Variants in ADAMTS9 observed in about 807,000 individuals in gnomAD.
The protein encoded by ADAMTS9 is ADAM metallopeptidase with thrombospondin type 1 motif 9.
A neutral mutation model predicts 257.1 loss-of-function variants in ADAMTS9; 107 were observed. That is an observed-to-expected ratio of 0.42 (90% confidence interval 0.36 to 0.49). ADAMTS9 has a LOEUF of 0.49. Ranked by LOEUF, ADAMTS9 falls within the 20% of genes least tolerant of loss-of-function variation. ADAMTS9 has a pLI of 0.03. For missense variants in ADAMTS9, 2,353 were observed against 2,469.1 expected, an observed-to-expected ratio of 0.95 and a Z score of 1.00; for synonymous variants, 982 against 880.9, an observed-to-expected ratio of 1.11 and a Z score of -2.03.
At chr3:64,536,402 T>G (rs2083049942) in intron 37 of ADAMTS9, among the ~76,000 whole-genome samples, 1 of 152,232 alleles carries the variant, frequency 6.6e-6, no homozygotes, top group South Asian at 2.1e-4. Flanking sequence ...CTGTTGCCTA[T>G]TCTAAAGAAG....
rs1559753926 is a variant in ADAMTS9, at chr3:64,541,236, A to G, written c.5388-8T>C. On this transcript the variant is annotated splice_region_variant and splice_polypyrimidine_tract_variant and intron_variant, in intron 35 of 39. Coordinates refer to ENST00000498707, the MANE Select transcript of ADAMTS9 (RefSeq NM_182920.2). Reference sequence around the variant, plus strand: ...TCTGTTGGGTTGTGTAACCTAAATTATACAGAGAATGTTCTGGTAAGGATG... The same window carrying G: ...TCTGTTGGGTTGTGTAACCTAAATTGTACAGAGAATGTTCTGGTAAGGATG... 2.5e-6 allele frequency: 4 copies of G among 1,614,064 alleles called. No homozygotes were observed. Among genetic ancestry groups the G allele is most frequent in the Non-Finnish European group, 3.4e-6 (4 of 1,180,030 alleles).
At chr3:64,680,171 A>T (rs1054789664) in intron 3 of ADAMTS9, among the ~76,000 whole-genome samples, 2 of 152,170 alleles carry the variant, frequency 1.3e-5, no homozygotes, top group Non-Finnish European at 2.9e-5. Flanking sequence ...CCAGTGAACA[A>T]CCTGGTACAG....
chr3:64,628,995 T>G (rs139722057), intron 16 of ADAMTS9, among the ~76,000 whole-genome samples: 1 of 152,344 alleles, frequency 6.6e-6, no homozygotes, highest in Non-Finnish European at 1.5e-5. Flanking sequence ...GTTTTGACCT[T>G]GGAGTTTTGA....
At chr3:64,609,703 G>T (rs6780621) in intron 22 of ADAMTS9, among the ~76,000 whole-genome samples, 85,463 of 151,900 alleles carry the variant, frequency 0.56, 26,772 homozygotes, top group African/African-American at 0.86. Flanking sequence ...GTGACAATAT[G>T]CCCCAAATTA....
Position 64,568,522 on chromosome 3 carries a change from C to T in ADAMTS9, c.4370G>A (p.Cys1457Tyr). ...ATTTCGTTGTTTATGCCCTCGACCACAAGAGACAGAACACTGCAATATAAA... is the reference window on the plus strand; with the variant it reads ...ATTTCGTTGTTTATGCCCTCGACCATAAGAGACAGAACACTGCAATATAAA... ...TGPWSSCSVSCGRGHKQRNVY... is the reference protein window; with the variant it reads ...TGPWSSCSVSYGRGHKQRNVY... The change falls in exon 29 of 40, where the codon TGT becomes TAT. Residue 1457 changes from cysteine (C) to tyrosine (Y), a missense_variant. By Grantham distance (194) the Cys-to-Tyr change is radical (BLOSUM62 -2). Transcript: ENST00000498707. 1.2e-6 allele frequency: 2 copies of T among 1,614,010 alleles called. No homozygotes were observed. The highest frequency in any genetic ancestry group is 1.7e-6 in the Non-Finnish European group (2 of 1,179,954).
intron 32 of ADAMTS9, among the ~76,000 whole-genome samples, 200 bp from the exon 33 acceptor site, chr3:64,542,170 A>C (rs1053752205): frequency 6.6e-6 from 1 of 152,104 alleles, no homozygotes; most frequent in African/African-American, 2.4e-5. Context: ...ATTCATGTTC[A>C]TGCATTTATA....
chr3:64,564,656 C>T (rs941529693), intron 29 of ADAMTS9, among the ~76,000 whole-genome samples: 4 of 151,972 alleles, frequency 2.6e-5, no homozygotes, highest in African/African-American at 9.7e-5. Flanking sequence ...GAAAGTTTAG[C>T]AGCATACCTG....
Position 64,541,146 on chromosome 3 carries a change from A to T in ADAMTS9, c.5470T>A (p.Phe1824Ile). 2 of 1,614,030 alleles carry T rather than the reference A, an allele frequency of 1.2e-6. No individual in the cohort carries two copies. The highest frequency in any genetic ancestry group is 1.7e-6 in the Non-Finnish European group (2 of 1,179,992). Residue 1824 changes from phenylalanine to isoleucine, a missense_variant, in exon 36 of 40, where the codon TTT becomes ATT. Physicochemically the swap from Phe to Ile is conservative, Grantham distance 21 (BLOSUM62 0). Coordinates refer to ENST00000498707, the MANE Select transcript of ADAMTS9 (RefSeq NM_182920.2). ...ATTCTGATTTTCTGAAAACTGGAAA[A>T]CCCAGCGGCCGTGTAATCCTTCCGA... ...QCRKDYTAAGFSSFQKIRIDL... is the reference protein window; with the variant it reads ...QCRKDYTAAGISSFQKIRIDL...
intron 8 of ADAMTS9, 122 bp from the exon 9 acceptor site, chr3:64,651,285 T>G (rs1473118882): frequency 5.6e-6 from 4 of 709,922 alleles, no homozygotes; most frequent in Non-Finnish European, 8.8e-6. Context: ...GATAAGAACC[T>G]GAACCCTGGT....
At chr3:64,602,306 T>C in intron 25 of ADAMTS9, 93 bp from the exon 26 acceptor site, 1 of 1,479,352 alleles carries the variant, frequency 6.8e-7, no homozygotes, top group East Asian at 2.3e-5. Context: ...GCCCACCACT[T>C]TCCCAAATTG....
At chr3:64,525,290 C>T (rs1178149744) in intron 38 of ADAMTS9, among the ~76,000 whole-genome samples, 5 of 152,166 alleles carry the variant, frequency 3.3e-5, no homozygotes, top group Non-Finnish European at 7.3e-5. Flanking sequence ...CTTTACCATG[C>T]TATGAAAAAG....
chr3:64,622,766 A>G (rs2106866764), intron 16 of ADAMTS9, among the ~76,000 whole-genome samples, 180 bp from the exon 17 acceptor site: 1 of 152,232 alleles, frequency 6.6e-6, no homozygotes, highest in Middle Eastern at 3.4e-3. Flanking sequence ...TTTGGGAATC[A>G]TTTTCCATCC....
intron 28 of ADAMTS9, among the ~76,000 whole-genome samples, chr3:64,586,029 A>T (rs2084142550): frequency 6.6e-6 from 1 of 152,122 alleles, no homozygotes; most frequent in Non-Finnish European, 1.5e-5. Context: ...CAACTAAACA[A>T]TGAGATGAGG....
chr3:64,583,306 A>G (rs540704919), intron 28 of ADAMTS9: 1 of 152,324 alleles, frequency 6.6e-6, no homozygotes, highest in Non-Finnish European at 1.5e-5. Context: ...TTGAGATCTC[A>G]TATTTTCAGC....
chr3:64,533,095 C>T (rs2083003642), intron 38 of ADAMTS9, 71 bp downstream of exon 38: 2 of 1,396,174 alleles, frequency 1.4e-6, no homozygotes, highest in East Asian at 2.3e-5. Context: ...AGCACCACTA[C>T]CACAGTAATA....
intron 37 of ADAMTS9, among the ~76,000 whole-genome samples, chr3:64,536,614 G>A (rs923384638): frequency 2.0e-5 from 3 of 152,122 alleles, no homozygotes; most frequent in Non-Finnish European, 4.4e-5. Flanking sequence ...TCTACTGAGC[G>A]GCAGCTGTGT....
intron 39 of ADAMTS9, among the ~76,000 whole-genome samples, chr3:64,517,415 G>GTTTTTTTT (rs1242670245): frequency 8.6e-4 from 10 of 11,564 alleles, no homozygotes; most frequent in African/African-American, 1.4e-3. Context: ...AATTAAAAAT[G>GTTTTTTTT]GTTTTTTTTT....
chr3:64,589,071 A>G (rs2084212473), intron 28 of ADAMTS9: 1 of 152,228 alleles, frequency 6.6e-6, no homozygotes. Flanking sequence ...ATATTTATAA[A>G]AAATACATAT....
intron 26 of ADAMTS9, 32 bp downstream of exon 26, chr3:64,601,912 A>T: frequency 6.4e-7 from 1 of 1,554,466 alleles, no homozygotes; most frequent in Non-Finnish European, 8.7e-7. Flanking sequence ...CTCAAGTGAA[A>T]GAGAAGCAAG....
Sources: gnomAD v4.1 joint callset for allele counts (sites outside exome capture counted in the v4.1 genomes callset) on GRCh38, gnomAD v4.1.1 for gene constraint, MANE v1.5 for transcripts, NCBI Gene and HGNC (gene_info 2026-07-23, HGNC 2026-07-21) for gene names.